GTPBP2: variants seen among roughly 807,000 people sequenced by gnomAD.
GTPBP2 encodes the protein GTP binding protein 2, also known as GTP-binding protein 2.
In GTPBP2, 32 loss-of-function variants were observed where a neutral mutation model predicts 63.0. The observed-to-expected ratio is 0.51, with a 90% CI of 0.38 to 0.68. GTPBP2 has a LOEUF of 0.68. Among genes scored for constraint, GTPBP2 ranks in the 30% least tolerant of loss-of-function variants. The pLI is 0.00. For synonymous variants in GTPBP2, 310 were observed against 322.6 expected (o/e 0.96, Z 0.42); for missense variants, 492 against 796.9 (o/e 0.62, Z 4.61).
chr6:43,626,436 G>A lies in GTPBP2; in HGVS notation c.214-26C>T. 1 of 1,603,174 alleles carries A rather than the reference G, an allele frequency of 6.2e-7. No homozygotes were observed. Among genetic ancestry groups the A allele is most frequent in the Non-Finnish European group, 8.5e-7 (1 of 1,170,482 alleles). On this transcript the variant is annotated intron_variant, in intron 2 of 11. Transcript: ENST00000307126. The surrounding 1 kb of genome is among the most constrained non-coding windows in gnomAD (Gnocchi z 4.0). Reference sequence around the variant, plus strand: ...CTTAGGGCAAGTGGGGTATCATAAGGTGAAATCAGAGGTGTTCCTCCCAAA... The same window carrying A: ...CTTAGGGCAAGTGGGGTATCATAAGATGAAATCAGAGGTGTTCCTCCCAAA...
chr6:43,626,809 C>T lies in GTPBP2; in HGVS notation c.213+113G>A. On this transcript the variant is annotated intron_variant, in intron 2 of 11. Coordinates refer to ENST00000307126, the MANE Select transcript of GTPBP2 (RefSeq NM_019096.5). The surrounding 1 kb of genome is among the most constrained non-coding windows in gnomAD (Gnocchi z 4.0). Reference sequence around the variant, plus strand: ...CGCCACTGCACTCCAGCCTAGGCAACAAGAGCAAAACTTCATCTCAAAAAA... The same window carrying T: ...CGCCACTGCACTCCAGCCTAGGCAATAAGAGCAAAACTTCATCTCAAAAAA... 1.1e-6 allele frequency: 1 copy of T among 870,448 alleles called. No homozygotes were observed. The highest frequency in any genetic ancestry group is 1.8e-6 in the Non-Finnish European group (1 of 559,756). The allele number at this position is 870,448 out of a possible 1,614,324, so 53.9% of individuals were successfully genotyped here.
At position 43,625,739 on chromosome 6, in the gene GTPBP2, G is replaced by A. The variant is rs1217095386; in HGVS notation, c.507+17C>T. On this transcript the variant is annotated intron_variant, in intron 4 of 11. Transcript: ENST00000307126. This position sits in a 1 kb window ranked among gnomAD's most constrained non-coding sequence, Gnocchi z 5.1. ...CCACAGTGTGGACATGAGAGACAGG[G>A]ATGGGTGTGTGCTCACCTGTTGGTT... The A allele has an allele frequency of 6.4e-7, 1 of 1,569,172 alleles. No individual in the cohort carries two copies.
In GTPBP2 at chr6:43,626,927, A is replaced by G. The variant is rs1769409053; in HGVS notation, c.208T>C (p.Tyr70His). The G allele has an allele frequency of 6.2e-7, 1 of 1,612,694 alleles. No individual in the cohort carries two copies. Among genetic ancestry groups the G allele is most frequent in the Admixed American group, 1.7e-5 (1 of 59,980 alleles). The change falls in exon 2 of 12, where the codon TAT becomes CAT. Residue 70 changes from tyrosine (Y) to histidine (H), a missense_variant. Tyr to His is a moderately conservative substitution (Grantham distance 83). Coordinates refer to ENST00000307126, the MANE Select transcript of GTPBP2 (RefSeq NM_019096.5). This position sits in a 1 kb window ranked among gnomAD's most constrained non-coding sequence, Gnocchi z 4.0. ...PPEAEDGNIE[Y>H]KLKLVNPSQY... The stretch of plus-strand genomic sequence containing the variant: ...TTCCCCAGCCTAGGACTCACTTTAT[A>G]TTCAATGTTTCCATCTTCAGCCTGA...
upstream of GTPBP2, chr6:43,629,882 G>C (rs1459255869): frequency 6.0e-6 from 8 of 1,324,784 alleles, no homozygotes; most frequent in East Asian, 7.8e-5. Context: ...TTATTACCAG[G>C]CTGGCACCGT....
At position 43,623,774 on chromosome 6, in the gene GTPBP2, G is replaced by A; in HGVS notation, c.1258C>T (p.Pro420Ser). 2 of 1,613,650 alleles carry A rather than the reference G, an allele frequency of 1.2e-6. No individual in the cohort carries two copies. Residue 420 changes from proline (P) to serine (S), a missense_variant, in exon 9 of 12, where the codon CCA (proline) becomes TCA (serine). Pro to Ser is a moderately conservative substitution (Grantham distance 74). This residue lies in a region of GTPBP2 where 400 missense variants were observed against 710.8 expected (regional missense o/e 0.56). Coordinates refer to ENST00000307126, the MANE Select transcript of GTPBP2 (RefSeq NM_019096.5). The part of the protein sequence containing the change: ...EFQVDEIYTV[P>S]EVGTVVGGTL... ...CCTCCAACAACAGTCCCCACCTCTG[G>A]TACTGTGTAGATTTCATCCACCTGA...
At chr6:43,628,574 G>A (rs920949701) in intron 1 of GTPBP2, 1 of 982,712 alleles carries the variant, frequency 1.0e-6, no homozygotes, top group Non-Finnish European at 1.2e-6. Flanking sequence ...TCTTTTCCCG[G>A]GTACTCCCCT....
Position 43,625,580 on chromosome 6 carries a change from G to C in GTPBP2, c.508-20C>G. On this transcript the variant is annotated intron_variant, in intron 4 of 11. Transcript: ENST00000307126. This position sits in a 1 kb window ranked among gnomAD's most constrained non-coding sequence, Gnocchi z 5.1. ...TAGGAACTGTGGATGAATTGCCAGAGATAAGAACTCCAATCTCTCACCCCT... is the reference window on the plus strand; with the variant it reads ...TAGGAACTGTGGATGAATTGCCAGACATAAGAACTCCAATCTCTCACCCCT... 6.3e-7 allele frequency: 1 copy of C among 1,592,424 alleles called. No individual in the cohort carries two copies. Among genetic ancestry groups the C allele is most frequent in the South Asian group, 1.1e-5 (1 of 90,664 alleles).
At position 43,621,677 on chromosome 6, in the gene GTPBP2, G is replaced by A. The variant is rs145070179; in HGVS notation, c.1746C>T (p.Ile582=). The change falls in exon 12 of 12, where the codon ATC becomes ATT. Residue 582 remains isoleucine (I), a synonymous_variant. Coordinates refer to ENST00000307126, the MANE Select transcript of GTPBP2 (RefSeq NM_019096.5). ...TGGCTTGTACATCAGTGACATGGCCGATGCCCTTGGTGACACCCTCCCGGA... is the reference window on the plus strand; with the variant it reads ...TGGCTTGTACATCAGTGACATGGCCAATGCCCTTGGTGACACCCTCCCGGA... The part of the protein sequence containing the change: ...LLFREGVTKG[I]GHVTDVQAIT... The A allele has an allele frequency of 2.1e-5, 34 of 1,614,066 alleles. No homozygotes were observed. The Admixed American group carries it at 3.5e-4, about 17-fold the overall frequency.
rs777686283 is a variant in GTPBP2 at position 43,623,987 on chromosome 6, T to C, written c.1182A>G (p.Pro394=). 1.3e-5 allele frequency: 21 copies of C among 1,613,972 alleles called. No homozygotes were observed. Among genetic ancestry groups the C allele is most frequent in the East Asian group, 6.7e-5 (3 of 44,904 alleles). Residue 394 remains proline (P), a synonymous_variant, in exon 8 of 12, where the codon CCA becomes CCG. Transcript: ENST00000307126. The part of the protein sequence containing the change: ...LLKVFLNILP[P]LTNSKEQEEL... Reference sequence around the variant, plus strand: ...CCTCCTGCTCTTTGCTGTTGGTGAGTGGCGGCAGAATATTCAGAAAGACTT... The same window carrying C: ...CCTCCTGCTCTTTGCTGTTGGTGAGCGGCGGCAGAATATTCAGAAAGACTT...
intron 1 of GTPBP2, chr6:43,628,492 G>A: frequency 2.4e-6 from 2 of 834,616 alleles, no homozygotes; most frequent in Non-Finnish European, 2.9e-6. Flanking sequence ...GTGTGTGTGT[G>A]TGTGTGTGTG....
chr6:43,620,680 C>T lies in GTPBP2; in HGVS notation c.*934G>A, dbSNP rs945003766. 4 of 152,896 alleles carry T rather than the reference C, an allele frequency of 2.6e-5. No homozygotes were observed. The highest frequency in any genetic ancestry group is 5.8e-5 in the Non-Finnish European group (4 of 68,388). The allele number at this position is 152,896 out of a possible 1,614,324, so 9.5% of individuals were successfully genotyped here. On this transcript the variant is annotated 3_prime_UTR_variant, in exon 12 of 12. Coordinates refer to ENST00000307126, the MANE Select transcript of GTPBP2 (RefSeq NM_019096.5). ...GTAGGAAATATGGCAACATCTTTCCCTTTCCTCCTGGTTCCCTGCAACAGA... is the reference window on the plus strand; with the variant it reads ...GTAGGAAATATGGCAACATCTTTCCTTTTCCTCCTGGTTCCCTGCAACAGA...
rs1561925059 is a variant in GTPBP2, at chr6:43,625,694, C to A, written c.507+62G>T. The A allele has an allele frequency of 4.1e-6, 6 of 1,449,960 alleles. No individual in the cohort carries two copies. The East Asian group carries it at 1.4e-4, about 33-fold the overall frequency. 89.8% of individuals were successfully genotyped at this position (1,449,960 alleles called of 1,614,324 possible). A position where few individuals can be genotyped will look rare whatever the true frequency, so the allele number is the denominator to read the frequency against. On this transcript the variant is annotated intron_variant, in intron 4 of 11. Transcript: ENST00000307126. This position sits in a 1 kb window ranked among gnomAD's most constrained non-coding sequence, Gnocchi z 5.1. ...CCCAGGATCCCAGGCCAGGAGACAG[C>A]CTGCCACCACAGGGCCCTTCCACAG... is the stretch of plus-strand genomic sequence containing the variant.
Position 43,624,883 on chromosome 6 carries a change from C to T in GTPBP2, c.880+5G>A, listed in dbSNP as rs772897752. ...CAGCCCTGTCCCTGCCCTAATGCCT[C>T]GTACCAATCCCAGTGTTGGCACTGA... On this transcript the variant is annotated splice_donor_5th_base_variant and intron_variant, in intron 6 of 11. Coordinates refer to ENST00000307126, the MANE Select transcript of GTPBP2 (RefSeq NM_019096.5). The surrounding 1 kb of genome is among the most constrained non-coding windows in gnomAD (Gnocchi z 5.1). 3 of 1,613,724 alleles carry T rather than the reference C, an allele frequency of 1.9e-6. No individual in the cohort carries two copies. The highest frequency in any genetic ancestry group is 1.1e-5 in the South Asian group (1 of 91,050).
Position 43,622,775 on chromosome 6 carries a change from A to T in GTPBP2, c.1325T>A (p.Val442Glu). The T allele has an allele frequency of 6.2e-7, 1 of 1,613,890 alleles. No homozygotes were observed. The highest frequency in any genetic ancestry group is 8.5e-7 in the Non-Finnish European group (1 of 1,179,818). The change falls in exon 10 of 12, where the codon GTG becomes GAG. Residue 442 changes from valine to glutamate, a missense_variant. Coordinates refer to ENST00000307126, the MANE Select transcript of GTPBP2 (RefSeq NM_019096.5). The surrounding 1 kb of genome is among the most constrained non-coding windows in gnomAD (Gnocchi z 5.4). Reference protein sequence around the residue: ...SGICREGDQLVVGPTDDGCFL... With the variant: ...SGICREGDQLEVGPTDDGCFL... ...GCAGCCATCATCCGTGGGGCCCACC[A>T]CCAGCTGGTCCCCCTCACGGCAAAT...
chr6:43,623,693 T>C (rs1403724637), intron 9 of GTPBP2, 44 bp downstream of exon 9: 3 of 1,426,496 alleles, frequency 2.1e-6, no homozygotes, highest in Admixed American at 1.7e-5. Context: ...TTTGAGTATA[T>C]AGGTGAGGGC....
At chr6:43,631,178 G>A (rs575991911), upstream of GTPBP2, among the ~76,000 whole-genome samples, 2 of 152,166 alleles carry the variant, frequency 1.3e-5, no homozygotes, top group Non-Finnish European at 2.9e-5. Context: ...CTGACCATAG[G>A]CCAATTATGT....
intron 1 of GTPBP2, among the ~76,000 whole-genome samples, chr6:43,627,741 A>G (rs971607875): frequency 6.6e-6 from 1 of 150,452 alleles, no homozygotes; most frequent in African/African-American, 2.4e-5. Flanking sequence ...GCATTTTTCT[A>G]CCCGCCTCTC....
At position 43,626,140 on chromosome 6, in the gene GTPBP2, T is replaced by C; in HGVS notation, c.398+86A>G. On this transcript the variant is annotated intron_variant, in intron 3 of 11. Coordinates refer to ENST00000307126, the MANE Select transcript of GTPBP2 (RefSeq NM_019096.5). The surrounding 1 kb of genome is among the most constrained non-coding windows in gnomAD (Gnocchi z 4.0). ...TTGTCAAGAGAAGGAAAGTCCCACC[T>C]TGGCCCCTCAGGCCCTAGGTAACTG... 7.8e-7 allele frequency: 1 copy of C among 1,277,694 alleles called. No homozygotes were observed. 79.1% of individuals were successfully genotyped at this position (1,277,694 alleles called of 1,614,324 possible).
Position 43,625,687 on chromosome 6 carries a change from GAGAC to G in GTPBP2, c.507+65_507+68del, listed in dbSNP as rs979842995. On this transcript the variant is annotated intron_variant, in intron 4 of 11. Transcript: ENST00000307126. This position sits in a 1 kb window ranked among gnomAD's most constrained non-coding sequence, Gnocchi z 5.1. Reference sequence around the variant, plus strand: ...GGAAGCCCCCAGGATCCCAGGCCAGGAGACAGCCTGCCACCACAGGGCCCTTCCA... The same window carrying G: ...GGAAGCCCCCAGGATCCCAGGCCAGGAGCCTGCCACCACAGGGCCCTTCCA... 15 of 1,438,528 alleles carry G rather than the reference GAGAC, an allele frequency of 1.0e-5. No homozygotes were observed. The highest frequency in any genetic ancestry group is 1.5e-5 in the Non-Finnish European group (15 of 1,020,182). The allele number at this position is 1,438,528 out of a possible 1,614,324, so 89.1% of individuals were successfully genotyped here. A position where few individuals can be genotyped will look rare whatever the true frequency, so the allele number is the denominator to read the frequency against.
Sources: gnomAD v4.1 joint callset for allele counts (sites outside exome capture counted in the v4.1 genomes callset) on GRCh38, gnomAD v4.1.1 for gene constraint, gnomAD v4.1.1 regional missense constraint, Gnocchi (gnomAD v3.1) non-coding constraint, MANE v1.5 for transcripts, NCBI Gene and HGNC (gene_info 2026-07-23, HGNC 2026-07-21) for gene names.